The following TFCP2L1 variants were observed in gnomAD, a reference collection of about 807,000 sequenced individuals.
TFCP2L1 encodes transcription factor CP2-like protein 1.
A neutral mutation model predicts 72.2 loss-of-function variants in TFCP2L1; 12 were observed. The observed-to-expected ratio is 0.17, with a 90% CI of 0.11 to 0.27. The LOEUF (loss-of-function observed/expected upper bound fraction) is 0.27, where lower values mean the gene tolerates loss of function less well. Among genes scored for constraint, TFCP2L1 ranks in the 10% least tolerant of loss-of-function variants. The pLI is 1.00. For missense variants in TFCP2L1, 488 were observed against 624.6 expected (o/e 0.78, Z 2.33); for synonymous variants, 260 against 251.0 (o/e 1.04, Z -0.34).
chr2:121,247,038 G>A (rs113577724), intron 5 of TFCP2L1, 68 bp from the exon 6 acceptor site: 46 of 1,580,374 alleles, frequency 2.9e-5, no homozygotes, highest in African/African-American at 6.7e-5. Flanking sequence ...TCCCCCAAGC[G>A]CCCCCTCTAT....
chr2:121,235,120 A>G (rs942432939), intron 11 of TFCP2L1, 101 bp downstream of exon 11: 85 of 1,306,568 alleles, frequency 6.5e-5, no homozygotes, highest in Admixed American at 1.3e-4. Context: ...CTGTCCCCCC[A>G]GCCAGACCAC....
chr2:121,239,690 C>A, intron 7 of TFCP2L1, 41 bp from the exon 8 acceptor site: 1 of 1,584,978 alleles, frequency 6.3e-7, no homozygotes, highest in South Asian at 1.1e-5. Flanking sequence ...TCTGGAGAGG[C>A]GCTGAGCCGT....
In TFCP2L1 at chr2:121,221,846, G is replaced by A. The variant is rs1356882499; in HGVS notation, c.*2495C>T. On this transcript the variant is annotated 3_prime_UTR_variant, in exon 15 of 15. Coordinates refer to ENST00000263707, the MANE Select transcript of TFCP2L1 (RefSeq NM_014553.3). ...ACAGAAGGGGAGAACATTTTTACCA[G>A]TCATATACCTGATAAAAGACTGGCG... The A allele has an allele frequency of 1.3e-5, 2 of 152,054 alleles. No homozygotes were observed. 9.4% of individuals were successfully genotyped at this position (152,054 alleles called of 1,614,324 possible). A position where few individuals can be genotyped will look rare whatever the true frequency, so the allele number is the denominator to read the frequency against.
chr2:121,245,818 C>T (rs1039083047), intron 6 of TFCP2L1, among the ~76,000 whole-genome samples: 2 of 152,186 alleles, frequency 1.3e-5, no homozygotes, highest in South Asian at 2.1e-4. Flanking sequence ...TTCCCACATC[C>T]GTTCCAAGCA....
chr2:121,262,290 C>A (rs1361894623), intron 2 of TFCP2L1, among the ~76,000 whole-genome samples: 1 of 152,066 alleles, frequency 6.6e-6, no homozygotes, highest in East Asian at 1.9e-4. Flanking sequence ...CATGGTGAAA[C>A]CCTGTCTCTA....
intron 13 of TFCP2L1, among the ~76,000 whole-genome samples, 189 bp downstream of exon 13, chr2:121,231,637 G>A (rs1412163569): frequency 6.6e-6 from 1 of 152,254 alleles, no homozygotes; most frequent in Non-Finnish European, 1.5e-5. Flanking sequence ...ACTTGGCATG[G>A]CAGCCATTTG....
At chr2:121,258,222 G>A (rs1297415480) in intron 2 of TFCP2L1, among the ~76,000 whole-genome samples, 3 of 152,198 alleles carry the variant, frequency 2.0e-5, no homozygotes, top group African/African-American at 7.2e-5. Context: ...GCGATGTGGG[G>A]AAATGGGCCC....
intron 2 of TFCP2L1, among the ~76,000 whole-genome samples, chr2:121,277,267 AGGAG>A (rs1687167652): frequency 1.3e-5 from 2 of 152,340 alleles, no homozygotes; most frequent in South Asian, 4.1e-4. Flanking sequence ...CAGGAAGCTG[AGGAG>A]GGAGGATCAC....
chr2:121,281,234 G>C lies in TFCP2L1; in HGVS notation c.100C>G (p.Pro34Ala), dbSNP rs1354569627. Residue 34 changes from proline (P) to alanine (A), a missense_variant, in exon 2 of 15, where the codon CCC becomes GCC. Physicochemically the swap from Pro to Ala is conservative, Grantham distance 27 (BLOSUM62 -1). Transcript: ENST00000263707. ...LALPIFKQEE[P>A]QLSPENEARL... Reference sequence around the variant, plus strand: ...GCCTCGTTCTCGGGGGACAGCTGGGGTTCCTCCTGCTTGAAGATGGGCAGA... The same window carrying C: ...GCCTCGTTCTCGGGGGACAGCTGGGCTTCCTCCTGCTTGAAGATGGGCAGA... 29 of 1,610,830 alleles carry C rather than the reference G, an allele frequency of 1.8e-5. No individual in the cohort carries two copies. Among genetic ancestry groups the C allele is most frequent in the Non-Finnish European group, 2.2e-5 (26 of 1,179,052 alleles).
intron 13 of TFCP2L1, among the ~76,000 whole-genome samples, chr2:121,227,411 G>A (rs1686051122): frequency 6.6e-6 from 1 of 152,224 alleles, no homozygotes; most frequent in African/African-American, 2.4e-5. Context: ...GCCGGGCGCG[G>A]TGGCTCACGC....
chr2:121,262,967 C>G (rs1686855077), intron 2 of TFCP2L1, among the ~76,000 whole-genome samples: 1 of 152,144 alleles, frequency 6.6e-6, no homozygotes, highest in Non-Finnish European at 1.5e-5. Context: ...TGGAGTTTCA[C>G]TCTTGTTGCC....
Position 121,237,872 on chromosome 2 carries a change from G to C in TFCP2L1, c.861-22C>G, listed in dbSNP as rs377699042. 1.7e-4 allele frequency: 270 copies of C among 1,613,436 alleles called. 1 individual carries two copies. The highest frequency in any genetic ancestry group is 4.9e-4 in the Middle Eastern group (3 of 6,078). ...GTTGCTGCAAGGAAAAGGAACCAGT[G>C]ATGAGGACAGAGGGGGCTCCCAGGG... On this transcript the variant is annotated intron_variant, in intron 8 of 14. Transcript: ENST00000263707.
intron 6 of TFCP2L1, among the ~76,000 whole-genome samples, chr2:121,243,626 C>T (rs1041385619): frequency 1.4e-4 from 21 of 152,110 alleles, no homozygotes; most frequent in Non-Finnish European, 1.0e-4. Context: ...GATTTAGATC[C>T]TCATAAGAGG....
intron 2 of TFCP2L1, among the ~76,000 whole-genome samples, chr2:121,275,573 T>C (rs1229656628): frequency 6.8e-6 from 1 of 147,558 alleles, no homozygotes; most frequent in Non-Finnish European, 1.5e-5. Flanking sequence ...TAAGTCTTTT[T>C]TTTTTTTTTT....
chr2:121,229,010 C>CCAGGCAATTGCAGGCAATTG, intron 13 of TFCP2L1, among the ~76,000 whole-genome samples: 1 of 152,056 alleles, frequency 6.6e-6, no homozygotes, highest in African/African-American at 2.4e-5. Context: ...ACCTCTGCCT[C>CCAGGCAATTGCAGGCAATTG]CAGGGTTCAA....
At chr2:121,238,762 T>A (rs1040306669) in intron 8 of TFCP2L1, among the ~76,000 whole-genome samples, 17 of 152,082 alleles carry the variant, frequency 1.1e-4, no homozygotes, top group African/African-American at 4.1e-4. Context: ...AAGGTACAGA[T>A]TGAAGACTAG....
At chr2:121,237,926 G>T (rs1686286006) in intron 8 of TFCP2L1, 76 bp from the exon 9 acceptor site, 1 of 1,504,070 alleles carries the variant, frequency 6.6e-7, no homozygotes, top group South Asian at 1.2e-5. Flanking sequence ...CACCCAGCCT[G>T]GCACTTTTAC....
chr2:121,264,125 G>T (rs1573387812), intron 2 of TFCP2L1, among the ~76,000 whole-genome samples: 1 of 152,162 alleles, frequency 6.6e-6, no homozygotes, highest in Non-Finnish European at 1.5e-5. Flanking sequence ...CCGTGTGCCG[G>T]GCTGAGAGTG....
intron 6 of TFCP2L1, 33 bp downstream of exon 6, chr2:121,246,785 C>T: frequency 6.2e-7 from 1 of 1,612,380 alleles, no homozygotes; most frequent in Non-Finnish European, 8.5e-7. Context: ...AGGCCAGCAG[C>T]AGGGCACGGC....
Sources: allele counts gnomAD v4.1 joint callset (sites outside exome capture counted in the v4.1 genomes callset), GRCh38; gene constraint gnomAD v4.1.1; transcripts MANE v1.5; gene names NCBI Gene and HGNC (gene_info 2026-07-23, HGNC 2026-07-21).